The following PCDH10 variants were observed in gnomAD, a reference collection of about 807,000 sequenced individuals.
PCDH10 encodes the protein protocadherin-10.
Under a neutral mutation model 74.4 loss-of-function variants are expected in PCDH10, and 15 were observed. The observed-to-expected ratio is 0.20, with a 90% CI of 0.13 to 0.31. PCDH10 has a LOEUF of 0.31. Ranked by LOEUF, PCDH10 falls within the 10% of genes least tolerant of loss-of-function variation. The pLI is 1.00. For synonymous variants in PCDH10, 619 were observed against 589.8 expected (o/e 1.05, Z -0.72); for missense variants, 1,260 against 1,390.2 (o/e 0.91, Z 1.49).
At chr4:133,175,309 T>G (rs1727273307) in intron 4 of PCDH10, among the ~76,000 whole-genome samples, 1 of 152,064 alleles carries the variant, frequency 6.6e-6, no homozygotes, top group African/African-American at 2.4e-5. Context: ...CTGTAAAAAC[T>G]TTTTAACCAA....
chr4:133,174,598 A>C (rs911721877), intron 4 of PCDH10, among the ~76,000 whole-genome samples: 1 of 151,506 alleles, frequency 6.6e-6, no homozygotes, highest in African/African-American at 2.4e-5. Context: ...AATAGGCTAA[A>C]TAATTTTAGA....
intron 3 of PCDH10, among the ~76,000 whole-genome samples, chr4:133,161,611 T>A (rs1159532882): frequency 1.3e-5 from 2 of 152,034 alleles, no homozygotes; most frequent in Non-Finnish European, 2.9e-5. Context: ...TAAATAAATA[T>A]TCTTTTGATT....
At chr4:133,201,818 T>C (rs1279277012) in intron 2 of PCDH10, among the ~76,000 whole-genome samples, 6 of 130,334 alleles carry the variant, frequency 4.6e-5, no homozygotes, top group Admixed American at 3.7e-4. Flanking sequence ...ATCATGCCAT[T>C]GCACTCCAGC....
downstream of PCDH10, among the ~76,000 whole-genome samples, chr4:133,196,370 G>A (rs536916756): frequency 1.3e-5 from 2 of 152,270 alleles, no homozygotes; most frequent in East Asian, 3.9e-4. Flanking sequence ...AAGCTGTTAA[G>A]CTGTCATGTT....
In PCDH10 at chr4:133,150,899, C is replaced by T. The variant is rs562154592; in HGVS notation, c.759C>T (p.Pro253=). The T allele has an allele frequency of 1.2e-6, 2 of 1,612,694 alleles. No homozygotes were observed. The highest frequency in any genetic ancestry group is 1.7e-6 in the Non-Finnish European group (2 of 1,179,782). Residue 253 remains proline (P), a synonymous_variant, in exon 1 of 5, where the codon CCC becomes CCT. Coordinates refer to ENST00000264360, the MANE Select transcript of PCDH10 (RefSeq NM_032961.3). ...SNDNVPAFDQ[P]VYTVSLPENS... is the part of the protein sequence containing the mutation. Reference sequence around the variant, plus strand: ...ACAATGTGCCCGCTTTCGACCAACCCGTCTACACTGTGTCCCTACCAGAGA... The same window carrying T: ...ACAATGTGCCCGCTTTCGACCAACCTGTCTACACTGTGTCCCTACCAGAGA...
intron 2 of PCDH10, among the ~76,000 whole-genome samples, chr4:133,199,761 A>AATTATTATTATTATT (rs10682546): frequency 6.8e-6 from 1 of 146,328 alleles, no homozygotes. Context: ...AGTTGTTTTT[A>AATTATTATTATTATT]ATTATTATTA....
intron 2 of PCDH10, 79 bp downstream of exon 2, chr4:133,154,444 A>C: frequency 1.3e-6 from 1 of 755,766 alleles, no homozygotes; most frequent in South Asian, 1.9e-5. Context: ...ATTATTCTAA[A>C]TTAAAATTGA....
At chr4:133,181,296 A>G (rs1727410892) in intron 4 of PCDH10, among the ~76,000 whole-genome samples, 1 of 151,956 alleles carries the variant, frequency 6.6e-6, no homozygotes, top group Admixed American at 6.6e-5. Context: ...AGTTTTTTTT[A>G]TCTTTCTGAA....
At position 133,194,111 on chromosome 4, in the gene PCDH10, C is replaced by T. The variant is rs1333912137; in HGVS notation, c.*3951C>T. 3 of 151,748 alleles carry T rather than the reference C, an allele frequency of 2.0e-5. No homozygotes were observed. The highest frequency in any genetic ancestry group is 3.0e-5 in the Non-Finnish European group (2 of 67,760). The allele number at this position is 151,748 out of a possible 1,614,324, so 9.4% of individuals were successfully genotyped here. On this transcript the variant is annotated 3_prime_UTR_variant, in exon 5 of 5. Coordinates refer to ENST00000264360, the MANE Select transcript of PCDH10 (RefSeq NM_032961.3). ...ATGAATGCAGGTAGATGGGTGCCGC[C>T]AGAGTATTGCAGGCAATAATACGAC... is the stretch of plus-strand genomic sequence containing the variant.
intron 3 of PCDH10, among the ~76,000 whole-genome samples, chr4:133,162,068 G>T (rs1726981216): frequency 6.6e-6 from 1 of 152,050 alleles, no homozygotes; most frequent in Non-Finnish European, 1.5e-5. Flanking sequence ...TTGTAATCTT[G>T]TCAATCTAAG....
rs1396341609 is a variant in PCDH10 at position 133,151,928 on chromosome 4, G to A, written c.1788G>A (p.Pro596=). 7 of 1,612,308 alleles carry A rather than the reference G, an allele frequency of 4.3e-6. No individual in the cohort carries two copies. In the South Asian group the frequency reaches 4.4e-5, roughly 10 times the overall value. The change falls in exon 1 of 5, where the codon CCG becomes CCA. Residue 596 remains proline (P), a synonymous_variant. Coordinates refer to ENST00000264360, the MANE Select transcript of PCDH10 (RefSeq NM_032961.3). ...AGGTGCTGCCCCGCTCGGCGGAGCC[G>A]GGTTACCTGCTCACCCGCGTGGCCG... ...AREVLPRSAE[P]GYLLTRVAAV... is the part of the protein sequence containing the mutation.
intron 2 of PCDH10, among the ~76,000 whole-genome samples, chr4:133,206,780 A>G (rs1477200482): frequency 1.3e-5 from 2 of 152,144 alleles, no homozygotes; most frequent in Non-Finnish European, 2.9e-5. Flanking sequence ...GAGCTTGAAA[A>G]TAAACTATGG....
In PCDH10 at chr4:133,192,771, G is replaced by T. The variant is rs934899584; in HGVS notation, c.*2611G>T. The T allele has an allele frequency of 4.0e-5, 6 of 151,496 alleles. No individual in the cohort carries two copies. The highest frequency in any genetic ancestry group is 8.9e-5 in the Non-Finnish European group (6 of 67,594). 9.4% of individuals were successfully genotyped at this position (151,496 alleles called of 1,614,324 possible). ...AAAGTAAATTAGAAGTTACAACAGA[G>T]TAAGGATATGATTCTTGTAAGTTGG... On this transcript the variant is annotated 3_prime_UTR_variant, in exon 5 of 5. Transcript: ENST00000264360.
chr4:133,159,820 A>G (rs1344458188), intron 3 of PCDH10, among the ~76,000 whole-genome samples: 1 of 152,054 alleles, frequency 6.6e-6, no homozygotes, highest in East Asian at 1.9e-4. Context: ...CTATTAAAAA[A>G]TTGTAAGAGC....
rs1727697854 is a variant in PCDH10 at position 133,192,399 on chromosome 4, T to C, written c.*2239T>C. The C allele has an allele frequency of 6.6e-6, 1 of 151,600 alleles. No homozygotes were observed. Among genetic ancestry groups the C allele is most frequent in the Non-Finnish European group, 1.5e-5 (1 of 67,608 alleles). The allele number at this position is 151,600 out of a possible 1,614,324, so 9.4% of individuals were successfully genotyped here. A position where few individuals can be genotyped will look rare whatever the true frequency, so the allele number is the denominator to read the frequency against. On this transcript the variant is annotated 3_prime_UTR_variant, in exon 5 of 5. Transcript: ENST00000264360. ...TGTTTCACGCATCATTTTGCAATCA[T>C]GGGTGAATATCCACATCCATCTTCC...
intron 3 of PCDH10, among the ~76,000 whole-genome samples, chr4:133,158,347 TA>T (rs1726904649): frequency 1.3e-5 from 2 of 152,148 alleles, no homozygotes; most frequent in African/African-American, 4.8e-5. Context: ...ACATTGTCAA[TA>T]ATGCTAAGCT....
Position 133,151,185 on chromosome 4 carries a change from C to G in PCDH10, c.1045C>G (p.Leu349Val), listed in dbSNP as rs1726678114. ...GCACTGCAAGGTGCTAGTGCGAGTACTGGATGCTAATGACAACGCGCCAGA... is the reference window on the plus strand; with the variant it reads ...GCACTGCAAGGTGCTAGTGCGAGTAGTGGATGCTAATGACAACGCGCCAGA... ...PAHCKVLVRV[L>V]DANDNAPEIS... The change falls in exon 1 of 5, where the codon CTG becomes GTG. Residue 349 changes from leucine to valine, a missense_variant. Leu to Val is a conservative substitution (Grantham distance 32). Around this residue, in one of 11 missense-constraint regions of PCDH10, gnomAD observed 13 missense variants for 44.5 expected, o/e 0.29. Coordinates refer to ENST00000264360, the MANE Select transcript of PCDH10 (RefSeq NM_032961.3). 6.2e-7 allele frequency: 1 copy of G among 1,614,014 alleles called. No homozygotes were observed. The highest frequency in any genetic ancestry group is 8.5e-7 in the Non-Finnish European group (1 of 1,180,046).
Position 133,151,981 on chromosome 4 carries a change from C to G in PCDH10, c.1841C>G (p.Ala614Gly). ...GTGGACGCGGACGACGGCGAGAACG[C>G]CCGGCTCACTTACAGCATCGTGCGT... The part of the protein sequence containing the change: ...AAVDADDGEN[A>G]RLTYSIVRGN... Residue 614 changes from alanine to glycine, a missense_variant, in exon 1 of 5, where the codon GCC (alanine) becomes GGC (glycine). Coordinates refer to ENST00000264360, the MANE Select transcript of PCDH10 (RefSeq NM_032961.3). 1 of 1,612,672 alleles carries G rather than the reference C, an allele frequency of 6.2e-7. No homozygotes were observed.
At position 133,151,609 on chromosome 4, in the gene PCDH10, G is replaced by C. The variant is rs148933278; in HGVS notation, c.1469G>C (p.Arg490Pro). ...AYIYAVSATDRDEGANAQLAY... is the reference protein window; with the variant it reads ...AYIYAVSATDPDEGANAQLAY... Reference sequence around the variant, plus strand: ...ATCTACGCGGTGAGCGCCACCGACCGGGATGAGGGCGCCAACGCCCAGCTT... The same window carrying C: ...ATCTACGCGGTGAGCGCCACCGACCCGGATGAGGGCGCCAACGCCCAGCTT... The change falls in exon 1 of 5, where the codon CGG becomes CCG. Residue 490 changes from arginine (R) to proline (P), a missense_variant. Arg to Pro is a moderately radical substitution (Grantham distance 103, BLOSUM62 -2). This residue lies in a region of PCDH10 where 587 missense variants were observed against 616.9 expected (regional missense o/e 0.95). Transcript: ENST00000264360. 1 of 1,613,820 alleles carries C rather than the reference G, an allele frequency of 6.2e-7. No homozygotes were observed. Among genetic ancestry groups the C allele is most frequent in the Non-Finnish European group, 8.5e-7 (1 of 1,180,018 alleles).
Sources: gnomAD v4.1 joint callset for allele counts (sites outside exome capture counted in the v4.1 genomes callset) on GRCh38, gnomAD v4.1.1 for gene constraint, gnomAD v4.1.1 regional missense constraint, MANE v1.5 for transcripts, NCBI Gene and HGNC (gene_info 2026-07-23, HGNC 2026-07-21) for gene names.